STXBP2: variants seen among roughly 807,000 people sequenced by gnomAD.
The protein encoded by STXBP2 is syntaxin-binding protein 2.
Under a neutral mutation model 72.2 loss-of-function variants are expected in STXBP2, and 47 were observed. That is an observed-to-expected ratio of 0.65 (90% CI 0.51 to 0.83). STXBP2 has a LOEUF of 0.83. Ranked by LOEUF, STXBP2 falls within the 40% of genes least tolerant of loss-of-function variation. The pLI is 0.00. For missense variants in STXBP2, 702 were observed against 807.6 expected (o/e 0.87, Z 1.58); for synonymous variants, 367 against 338.7 (o/e 1.08, Z -0.92).
rs374566216 is a variant in STXBP2, at chr19:7,642,184, G to T, written c.664-19G>T. ...GGCTCAGGGTCAGTGCCTCATTCCTGCCCTAAACCCCACCCCAGGGCCCAG... is the reference window on the plus strand; with the variant it reads ...GGCTCAGGGTCAGTGCCTCATTCCTTCCCTAAACCCCACCCCAGGGCCCAG... On this transcript the variant is annotated intron_variant, in intron 8 of 18. Coordinates refer to ENST00000221283, the MANE Select transcript of STXBP2 (RefSeq NM_006949.4). This position sits in a 1 kb window ranked among gnomAD's most constrained non-coding sequence, Gnocchi z 6.0. The T allele has an allele frequency of 1.2e-6, 2 of 1,614,036 alleles. No individual in the cohort carries two copies. The highest frequency in any genetic ancestry group is 1.7e-6 in the Non-Finnish European group (2 of 1,179,976).
Position 7,642,000 on chromosome 19 carries a change from T to C in STXBP2, c.579-34T>C, listed in dbSNP as rs201607478. ...CAAACCCATCCTTGACCCCATCCCC[T>C]GATGATGTCCCCCGTGTCTGACCTC... is the stretch of plus-strand genomic sequence containing the variant. On this transcript the variant is annotated intron_variant, in intron 7 of 18. Coordinates refer to ENST00000221283, the MANE Select transcript of STXBP2 (RefSeq NM_006949.4). 1,234 of 1,612,622 alleles carry C rather than the reference T, an allele frequency of 7.7e-4. 1 individual carries two copies. Among genetic ancestry groups the C allele is most frequent in the Non-Finnish European group, 9.8e-4 (1,154 of 1,179,206 alleles).
chr19:7,643,266 G>A (rs2031971371), intron 13 of STXBP2, 21 bp downstream of exon 13: 1 of 1,611,822 alleles, frequency 6.2e-7, no homozygotes, highest in South Asian at 1.1e-5. Flanking sequence ...GCTTGCGGGG[G>A]GCAGGGGTGA....
chr19:7,631,944 T>TGGCAG, upstream of STXBP2: 1 of 898,958 alleles, frequency 1.1e-6, no homozygotes, highest in Non-Finnish European at 1.5e-6. Flanking sequence ...TTACCCTCAA[T>TGGCAG]ATCTGCCATT....
chr19:7,633,099 G>A (rs1028305784), upstream of STXBP2: 32 of 1,138,430 alleles, frequency 2.8e-5, no homozygotes, highest in East Asian at 3.4e-4. Flanking sequence ...TGCGTGTCCC[G>A]CCGTCCTAGA....
At chr19:7,630,540 G>A in the STXBP2 span, 3 of 1,481,440 alleles carry the variant, frequency 2.0e-6, no homozygotes, top group East Asian at 4.9e-5. Flanking sequence ...TTGCTTGGGG[G>A]GAGCTCACCT....
Position 7,642,558 on chromosome 19 carries a change from A to AT in STXBP2, c.902+23dup, listed in dbSNP as rs758713396. 3.1e-6 allele frequency: 5 copies of AT among 1,609,078 alleles called. No homozygotes were observed. The highest frequency in any genetic ancestry group is 2.2e-5 in the East Asian group (1 of 44,816). ...CCAAGTGCGTGCACACGGGGACCGG[A>AT]TCCCCCCCCCACCGCCCACTGTGGG... is the stretch of plus-strand genomic sequence containing the variant. On this transcript the variant is annotated intron_variant, in intron 10 of 18. Transcript: ENST00000221283. The surrounding 1 kb of genome is among the most constrained non-coding windows in gnomAD (Gnocchi z 6.0).
chr19:7,633,422 T>G, upstream of STXBP2: 1 of 1,574,964 alleles, frequency 6.3e-7, no homozygotes, highest in Non-Finnish European at 8.6e-7. Flanking sequence ...CACAGGGGCC[T>G]GAGCCTTCCT....
intron 13 of STXBP2, among the ~76,000 whole-genome samples, chr19:7,643,972 C>G (rs1203777037): frequency 6.4e-5 from 3 of 46,590 alleles, no homozygotes; most frequent in Admixed American, 2.4e-4. Flanking sequence ...CTGGGTGAGG[C>G]ACGGGGCCTT....
Position 7,647,204 on chromosome 19 carries a change from G to T in STXBP2, c.1495G>T (p.Val499Leu), listed in dbSNP as rs377248327. ...DRLDRNLWPF[V>L]SDPAPTASSQ... The stretch of plus-strand genomic sequence containing the variant: ...GCTGGACAGGAACCTGTGGCCCTTC[G>T]TATCCGACCCCGCCCCCACGGCCAG... Residue 499 changes from valine to leucine, a missense_variant, in exon 17 of 19, where the codon GTA becomes TTA. Coordinates refer to ENST00000221283, the MANE Select transcript of STXBP2 (RefSeq NM_006949.4). The T allele has an allele frequency of 2.4e-5, 38 of 1,611,784 alleles. No individual in the cohort carries two copies. Among genetic ancestry groups the T allele is most frequent in the Non-Finnish European group, 9.3e-6 (11 of 1,179,844 alleles).
intron 15 of STXBP2, chr19:7,645,976 C>G (rs1014174160): frequency 3.6e-6 from 2 of 554,018 alleles, no homozygotes; most frequent in Non-Finnish European, 6.5e-6. Context: ...CATACTTTGT[C>G]TCACTGCTTC....
At chr19:7,637,022 C>T (rs866049429), upstream of STXBP2, 50 of 1,063,536 alleles carry the variant, frequency 4.7e-5, no homozygotes, top group African/African-American at 7.2e-4. Flanking sequence ...GAACCGACGG[C>T]GGGGAGGGGC....
the STXBP2 span, chr19:7,631,025 A>G: frequency 6.0e-6 from 5 of 833,116 alleles, no homozygotes; most frequent in African/African-American, 6.8e-5. Flanking sequence ...CCTGGCCAAC[A>G]TGGCGAAACC....
upstream of STXBP2, chr19:7,633,668 A>AG (rs1204951425): frequency 5.0e-5 from 29 of 577,088 alleles, no homozygotes; most frequent in Non-Finnish European, 8.9e-5. Flanking sequence ...CATGGTGGGT[A>AG]GGGGGCAGGG....
chr19:7,632,118 G>A, upstream of STXBP2: 1 of 574,422 alleles, frequency 1.7e-6, no homozygotes, highest in Non-Finnish European at 3.0e-6. This position sits in a 1 kb window ranked among gnomAD's most constrained non-coding sequence, Gnocchi z 5.2. Context: ...ACTTTCCTAG[G>A]AAGGGGTCCT....
chr19:7,642,533 C>G lies in STXBP2; in HGVS notation c.899C>G (p.Ser300Cys), dbSNP rs2031934348. Residue 300 changes from serine to cysteine, a missense_variant, in exon 10 of 19, where the codon TCC (serine) becomes TGC (cysteine). Coordinates refer to ENST00000221283, the MANE Select transcript of STXBP2 (RefSeq NM_006949.4). This position sits in a 1 kb window ranked among gnomAD's most constrained non-coding sequence, Gnocchi z 6.0. ...ELRHMHIADV[S>C]KKVTELLRTF... The stretch of plus-strand genomic sequence containing the variant: ...CGCCACATGCATATCGCAGATGTGT[C>G]CAAGTGCGTGCACACGGGGACCGGA... 3 of 1,613,782 alleles carry G rather than the reference C, an allele frequency of 1.9e-6. No homozygotes were observed. The highest frequency in any genetic ancestry group is 2.5e-6 in the Non-Finnish European group (3 of 1,179,960).
chr19:7,640,315 TCTG>T (rs1338629240), intron 4 of STXBP2: 17 of 555,896 alleles, frequency 3.1e-5, no homozygotes, highest in Non-Finnish European at 5.1e-5. Flanking sequence ...TGTGTGTGCA[TCTG>T]TGTGTGCGTG....
intron 15 of STXBP2, 172 bp downstream of exon 15, chr19:7,645,478 G>A (rs1466319521): frequency 4.8e-6 from 3 of 621,968 alleles, no homozygotes; most frequent in Non-Finnish European, 8.5e-6. Flanking sequence ...AGAGGACACT[G>A]GGGCCTCTCC....
intron 13 of STXBP2, 121 bp downstream of exon 13, chr19:7,643,366 G>A: frequency 9.0e-7 from 1 of 1,107,322 alleles, no homozygotes; most frequent in Non-Finnish European, 1.3e-6. Context: ...AGAGGTGGAG[G>A]GGCCTTGGAG....
In STXBP2 at chr19:7,641,788, G is replaced by A; in HGVS notation, c.513G>A (p.Val171=). The stretch of plus-strand genomic sequence containing the variant: ...AGGAGCGCACGCGGCAGCTCGAGGT[G>A]CTGGCCCAGCAGATTGCCACGCTGT... ...RAEERTRQLE[V]LAQQIATLCA... is the part of the protein sequence containing the mutation. Residue 171 remains valine (V), a synonymous_variant, in exon 7 of 19, where the codon GTG becomes GTA. Coordinates refer to ENST00000221283, the MANE Select transcript of STXBP2 (RefSeq NM_006949.4). The A allele has an allele frequency of 6.4e-7, 1 of 1,551,522 alleles. No homozygotes were observed. Among genetic ancestry groups the A allele is most frequent in the Non-Finnish European group, 8.7e-7 (1 of 1,147,568 alleles).
Sources: allele counts gnomAD v4.1 joint callset (sites outside exome capture counted in the v4.1 genomes callset), GRCh38; gene constraint gnomAD v4.1.1; non-coding constraint Gnocchi (gnomAD v3.1); transcripts MANE v1.5; gene names NCBI Gene and HGNC (gene_info 2026-07-23, HGNC 2026-07-21).